The following DLX1 variants were observed in gnomAD, a reference collection of about 807,000 sequenced individuals.
DLX1 encodes the protein homeobox protein DLX-1.
Under a neutral mutation model 25.0 loss-of-function variants are expected in DLX1, and 7 were observed. The ratio of observed to expected loss-of-function variants is 0.28; its 90% CI spans 0.16 to 0.52. The LOEUF (loss-of-function observed/expected upper bound fraction) is 0.52. Ranked by LOEUF, DLX1 falls within the 20% of genes least tolerant of loss-of-function variation. The pLI is 0.96. For missense variants in DLX1, 233 were observed against 334.4 expected (o/e 0.70, Z 2.37); for synonymous variants, 155 against 140.3 (o/e 1.10, Z -0.74).
At position 172,085,668 on chromosome 2, in the gene DLX1, G is replaced by A. The variant is rs778652346; in HGVS notation, c.-10G>A. The stretch of plus-strand genomic sequence containing the variant: ...AGAGAAAGTCCCACACCCAGACCCC[G>A]CGAGAAGAGATGACCATGACCACCA... On this transcript the variant is annotated 5_prime_UTR_variant, in exon 1 of 3. Transcript: ENST00000361725. This position sits in a 1 kb window ranked among gnomAD's most constrained non-coding sequence, Gnocchi z 4.3. 13 of 1,609,554 alleles carry A rather than the reference G, an allele frequency of 8.1e-6. No homozygotes were observed. The South Asian group carries it at 1.3e-4, about 16-fold the overall frequency.
rs749016636 is a variant in DLX1, at chr2:172,085,986, C to T, written c.309C>T (p.Asp103=). The change falls in exon 1 of 3, where the codon GAC becomes GAT. Residue 103 remains aspartate (D), a synonymous_variant. Transcript: ENST00000361725. The surrounding 1 kb of genome is among the most constrained non-coding windows in gnomAD (Gnocchi z 4.3). ...GCCTCGCCCAGAGCCGCCTGGAGGA[C>T]CCAGGTACGTGCGCTTGCCAGGGAG... The part of the protein sequence containing the change: ...SASLAQSRLE[D]PGADSEKSTV... 2.1e-5 allele frequency: 33 copies of T among 1,609,676 alleles called. No individual in the cohort carries two copies. Among genetic ancestry groups the T allele is most frequent in the Non-Finnish European group, 2.5e-5 (30 of 1,177,256 alleles).
At chr2:172,087,052 C>T in intron 2 of DLX1, 199 bp downstream of exon 2, 2 of 726,456 alleles carry the variant, frequency 2.8e-6, no homozygotes, top group Non-Finnish European at 5.1e-6. Context: ...CTCGGTATCC[C>T]GAGCTGCCTG....
chr2:172,086,468 C>T, intron 1 of DLX1, 186 bp from the exon 2 acceptor site: 2 of 573,090 alleles, frequency 3.5e-6, no homozygotes, highest in Non-Finnish European at 5.9e-6. Flanking sequence ...CGGCTCTATC[C>T]CTCCTGCAGC....
rs367953505 is a variant in DLX1 at position 172,086,864 on chromosome 2, G to A, written c.513+11G>A. Reference sequence around the variant, plus strand: ...CTCACACAGACTCAGGTACCTCGCCGCTGCCGCTCCGTTCTGCCACGCAGG... The same window carrying A: ...CTCACACAGACTCAGGTACCTCGCCACTGCCGCTCCGTTCTGCCACGCAGG... On this transcript the variant is annotated intron_variant, in intron 2 of 2. Transcript: ENST00000361725. The A allele has an allele frequency of 6.2e-7, 1 of 1,613,996 alleles. No homozygotes were observed. Among genetic ancestry groups the A allele is most frequent in the Admixed American group, 1.7e-5 (1 of 60,014 alleles).
intron 2 of DLX1, 106 bp downstream of exon 2, chr2:172,086,959 G>C (rs777042181): frequency 1.7e-5 from 20 of 1,146,314 alleles, no homozygotes; most frequent in South Asian, 6.2e-5. Context: ...GGGTGTCACT[G>C]TGTGTATGTG....
chr2:172,085,577 G>T lies in DLX1; in HGVS notation c.-101G>T. On this transcript the variant is annotated 5_prime_UTR_variant, in exon 1 of 3. Transcript: ENST00000361725. This position sits in a 1 kb window ranked among gnomAD's most constrained non-coding sequence, Gnocchi z 4.3. ...TTATGAATGGAAAGTGAAAACCCCT[G>T]TTCCGCTTAAATTGGGTTCCTTCCT... 1.6e-6 allele frequency: 2 copies of T among 1,261,022 alleles called. No homozygotes were observed. The highest frequency in any genetic ancestry group is 2.2e-6 in the Non-Finnish European group (2 of 902,826). 78.1% of individuals were successfully genotyped at this position (1,261,022 alleles called of 1,614,324 possible). A position where few individuals can be genotyped will look rare whatever the true frequency, so the allele number is the denominator to read the frequency against.
chr2:172,088,407 G>C lies in DLX1; in HGVS notation c.*150G>C. On this transcript the variant is annotated 3_prime_UTR_variant, in exon 3 of 3. Transcript: ENST00000361725. ...ATCTCCTCGGAGCCCCGCGAGGTCC[G>C]GCCCAGCAACTTCCCGGCATCCGCG... 1 of 1,091,546 alleles carries C rather than the reference G, an allele frequency of 9.2e-7. No individual in the cohort carries two copies. 67.6% of individuals were successfully genotyped at this position (1,091,546 alleles called of 1,614,324 possible).
In DLX1 at chr2:172,088,403, G is replaced by C; in HGVS notation, c.*146G>C. 2 of 1,116,944 alleles carry C rather than the reference G, an allele frequency of 1.8e-6. No homozygotes were observed. Among genetic ancestry groups the C allele is most frequent in the Non-Finnish European group, 2.3e-6 (2 of 851,952 alleles). The allele number at this position is 1,116,944 out of a possible 1,614,324, so 69.2% of individuals were successfully genotyped here. On this transcript the variant is annotated 3_prime_UTR_variant, in exon 3 of 3. Coordinates refer to ENST00000361725, the MANE Select transcript of DLX1 (RefSeq NM_178120.5). ...CTCCATCTCCTCGGAGCCCCGCGAG[G>C]TCCGGCCCAGCAACTTCCCGGCATC...
chr2:172,086,192 A>G (rs2105518843), intron 1 of DLX1: 1 of 606,624 alleles, frequency 1.6e-6, no homozygotes, highest in East Asian at 2.9e-5. Flanking sequence ...AATTTTTTTA[A>G]AAATTCCCTC....
At chr2:172,087,142 G>A (rs1690859272) in intron 2 of DLX1, 1 of 652,518 alleles carries the variant, frequency 1.5e-6, no homozygotes, top group Admixed American at 2.1e-5. Context: ...GGAACTCAGA[G>A]GTCACACGTG....
chr2:172,089,042 AT>A lies in DLX1; in HGVS notation c.*791del, dbSNP rs1690920786. 1 of 152,186 alleles carries A rather than the reference AT, an allele frequency of 6.6e-6. No homozygotes were observed. The highest frequency in any genetic ancestry group is 2.4e-5 in the African/African-American group (1 of 41,438). 9.4% of individuals were successfully genotyped at this position (152,186 alleles called of 1,614,324 possible). ...GAGAGTTTGGAGCCGAATGATTTGC[AT>A]TTTTTACATGTCCGACATTATTTAA... On this transcript the variant is annotated 3_prime_UTR_variant, in exon 3 of 3. Coordinates refer to ENST00000361725, the MANE Select transcript of DLX1 (RefSeq NM_178120.5).
Position 172,085,727 on chromosome 2 carries a change from A to G in DLX1, c.50A>G (p.Lys17Arg), listed in dbSNP as rs768424631. The G allele has an allele frequency of 3.1e-6, 5 of 1,614,006 alleles. No individual in the cohort carries two copies. Among genetic ancestry groups the G allele is most frequent in the Non-Finnish European group, 4.2e-6 (5 of 1,180,024 alleles). ...PESLNSPVSG[K>R]AVFMEFGPPN... The stretch of plus-strand genomic sequence containing the variant: ...AGTCTCAACAGCCCCGTGTCGGGCA[A>G]GGCGGTGTTTATGGAGTTTGGGCCG... The change falls in exon 1 of 3, where the codon AAG becomes AGG. Residue 17 changes from lysine (K) to arginine (R), a missense_variant. Coordinates refer to ENST00000361725, the MANE Select transcript of DLX1 (RefSeq NM_178120.5). This position sits in a 1 kb window ranked among gnomAD's most constrained non-coding sequence, Gnocchi z 4.3.
In DLX1 at chr2:172,088,189, A is replaced by G. The variant is rs750525757; in HGVS notation, c.700A>G (p.Ile234Val). The change falls in exon 3 of 3, where the codon ATC becomes GTC. Residue 234 changes from isoleucine to valine, a missense_variant. Around this residue, in one of 3 missense-constraint regions of DLX1, gnomAD observed 84 missense variants for 81.8 expected, o/e 1.03. Coordinates refer to ENST00000361725, the MANE Select transcript of DLX1 (RefSeq NM_178120.5). Reference sequence around the variant, plus strand: ...CTCAGGAGGAAACGCGGGCTCCTATATCCCCAGCTACACATCGTGGTACCC... The same window carrying G: ...CTCAGGAGGAAACGCGGGCTCCTATGTCCCCAGCTACACATCGTGGTACCC... ...KGSGGNAGSY[I>V]PSYTSWYPSA... is the part of the protein sequence containing the mutation. 1 of 1,608,478 alleles carries G rather than the reference A, an allele frequency of 6.2e-7. No individual in the cohort carries two copies. The highest frequency in any genetic ancestry group is 8.5e-7 in the Non-Finnish European group (1 of 1,177,174).
At chr2:172,086,981 C>A (rs772530694) in intron 2 of DLX1, 128 bp downstream of exon 2, 3 of 947,994 alleles carry the variant, frequency 3.2e-6, no homozygotes, top group South Asian at 2.6e-5. Context: ...TTGTGTCCAC[C>A]CCTGGCTCTC....
Position 172,085,863 on chromosome 2 carries a change from C to T in DLX1, c.186C>T (p.Ser62=). ...QPDGAYSSAS[S]FSRPLGYPYV... ...ACGGCGCCTACAGCTCAGCCTCGTC[C>T]TTCTCCCGACCGCTGGGCTACCCCT... Residue 62 remains serine (S), a synonymous_variant, in exon 1 of 3, where the codon TCC becomes TCT. Coordinates refer to ENST00000361725, the MANE Select transcript of DLX1 (RefSeq NM_178120.5). The surrounding 1 kb of genome is among the most constrained non-coding windows in gnomAD (Gnocchi z 4.3). The T allele has an allele frequency of 6.2e-7, 1 of 1,614,240 alleles. No homozygotes were observed. Among genetic ancestry groups the T allele is most frequent in the Non-Finnish European group, 8.5e-7 (1 of 1,180,044 alleles).
In DLX1 at chr2:172,085,642, G is replaced by A; in HGVS notation, c.-36G>A. On this transcript the variant is annotated 5_prime_UTR_variant, in exon 1 of 3. Coordinates refer to ENST00000361725, the MANE Select transcript of DLX1 (RefSeq NM_178120.5). This position sits in a 1 kb window ranked among gnomAD's most constrained non-coding sequence, Gnocchi z 4.3. ...AGAGACCCCCAAAAGGGAAGCAGAG[G>A]AGAGAAAGTCCCACACCCAGACCCC... is the stretch of plus-strand genomic sequence containing the variant. The A allele has an allele frequency of 1.3e-6, 2 of 1,586,546 alleles. No individual in the cohort carries two copies. Among genetic ancestry groups the A allele is most frequent in the South Asian group, 1.2e-5 (1 of 85,838 alleles).
chr2:172,086,663 C>T lies in DLX1; in HGVS notation c.323C>T (p.Ser108Leu). ...TCTGCTGTCCCTCCAGGGGCGGACT[C>T]GGAGAAGAGCACGGTGGTGGAAGGC... is the stretch of plus-strand genomic sequence containing the variant. Reference protein sequence around the residue: ...QSRLEDPGADSEKSTVVEGGE... With the variant: ...QSRLEDPGADLEKSTVVEGGE... Residue 108 changes from serine (S) to leucine (L), a missense_variant, in exon 2 of 3, where the codon TCG becomes TTG. By Grantham distance (145) the Ser-to-Leu change is moderately radical. Around this residue, in one of 3 missense-constraint regions of DLX1, gnomAD observed 126 missense variants for 170.4 expected, o/e 0.74. Transcript: ENST00000361725. The T allele has an allele frequency of 6.5e-7, 1 of 1,532,100 alleles. No homozygotes were observed. The highest frequency in any genetic ancestry group is 1.3e-5 in the South Asian group (1 of 77,510). The allele number at this position is 1,532,100 out of a possible 1,614,324, so 94.9% of individuals were successfully genotyped here.
chr2:172,085,694 T>G lies in DLX1; in HGVS notation c.17T>G (p.Met6Arg). The G allele has an allele frequency of 6.2e-7, 1 of 1,613,754 alleles. No homozygotes were observed. The highest frequency in any genetic ancestry group is 8.5e-7 in the Non-Finnish European group (1 of 1,179,824). The part of the protein sequence containing the change: MTMTT[M>R]PESLNSPVSG... Reference sequence around the variant, plus strand: ...CGAGAAGAGATGACCATGACCACCATGCCAGAAAGTCTCAACAGCCCCGTG... The same window carrying G: ...CGAGAAGAGATGACCATGACCACCAGGCCAGAAAGTCTCAACAGCCCCGTG... Residue 6 changes from methionine (M) to arginine (R), a missense_variant, in exon 1 of 3, where the codon ATG (methionine) becomes AGG (arginine). This residue lies in a region of DLX1 where 126 missense variants were observed against 170.4 expected (regional missense o/e 0.74). Transcript: ENST00000361725. The surrounding 1 kb of genome is among the most constrained non-coding windows in gnomAD (Gnocchi z 4.3).
At position 172,089,441 on chromosome 2, in the gene DLX1, C is replaced by T. The variant is rs942380324; in HGVS notation, c.*1184C>T. 1 of 152,456 alleles carries T rather than the reference C, an allele frequency of 6.6e-6. No individual in the cohort carries two copies. Among genetic ancestry groups the T allele is most frequent in the Non-Finnish European group, 1.5e-5 (1 of 68,000 alleles). The allele number at this position is 152,456 out of a possible 1,614,324, so 9.4% of individuals were successfully genotyped here. ...ATGTTGCACAAGCTTAGCCTTTTTG[C>T]GTTCTGTTGTGTGTGGCTGTAAAAC... On this transcript the variant is annotated 3_prime_UTR_variant, in exon 3 of 3. Coordinates refer to ENST00000361725, the MANE Select transcript of DLX1 (RefSeq NM_178120.5).
Sources: allele counts gnomAD v4.1 joint callset, GRCh38; gene constraint gnomAD v4.1.1; regional missense constraint gnomAD v4.1.1; non-coding constraint Gnocchi (gnomAD v3.1); transcripts MANE v1.5; gene names NCBI Gene and HGNC (gene_info 2026-07-23, HGNC 2026-07-21).